The following DZIP1 variants were observed in gnomAD, a reference collection of about 807,000 sequenced individuals.
DZIP1 encodes the protein DAZ interacting zinc finger protein 1.
DZIP1 carries 97 observed loss-of-function variants against 107.6 expected under a neutral mutation model. That is an observed-to-expected ratio of 0.90 (90% CI 0.77 to 1.07). The LOEUF (loss-of-function observed/expected upper bound fraction) is 1.07, where lower values mean the gene tolerates loss of function less well. DZIP1 is among the 50% of genes least tolerant of loss of function. DZIP1 has a pLI of 0.00. For missense variants in DZIP1, 1,035 were observed against 1,063.6 expected (o/e 0.97, Z 0.37); for synonymous variants, 390 against 386.4 (o/e 1.01, Z -0.11).
chr13:95,630,099 CATTT>C lies in DZIP1; in HGVS notation c.696_699del (p.Asn233HisfsTer13). On this transcript the variant is annotated frameshift_variant, in exon 7 of 23. Coordinates refer to ENST00000376829, the MANE Select transcript of DZIP1 (RefSeq NM_198968.4). LOFTEE classifies it high-confidence loss of function. ...TCACTCCGGAGCTTCTCAATCTGTG[CATTT>C]TTCTGATACTCTGTTGCAACAGAAA... is the stretch of plus-strand genomic sequence containing the variant. The C allele has an allele frequency of 6.2e-7, 1 of 1,609,444 alleles. No individual in the cohort carries two copies. Among genetic ancestry groups the C allele is most frequent in the Non-Finnish European group, 8.5e-7 (1 of 1,178,740 alleles).
chr13:95,626,494 A>G (rs1284718150), intron 7 of DZIP1, among the ~76,000 whole-genome samples: 1 of 152,200 alleles, frequency 6.6e-6, no homozygotes, highest in Non-Finnish European at 1.5e-5. Flanking sequence ...GACTGACCCA[A>G]TACAAAGGAA....
chr13:95,622,999 C>T (rs1197767672), intron 8 of DZIP1, among the ~76,000 whole-genome samples: 1 of 152,102 alleles, frequency 6.6e-6, no homozygotes. Context: ...CTGCCTACCT[C>T]AGCCTCCCAA....
At chr13:95,640,232 T>C (rs974730514) in intron 5 of DZIP1, among the ~76,000 whole-genome samples, 1 of 151,998 alleles carries the variant, frequency 6.6e-6, no homozygotes, top group African/African-American at 2.4e-5. Context: ...TCTCCTGACC[T>C]CGTGATCCGC....
At chr13:95,619,610 A>G (rs150610008) in intron 10 of DZIP1, among the ~76,000 whole-genome samples, 6,734 of 152,216 alleles carry the variant, frequency 0.044, 224 homozygotes, top group Middle Eastern at 0.075. Context: ...AGTTTTTAAA[A>G]TCAGTACTTT....
chr13:95,619,884 C>T lies in DZIP1; in HGVS notation c.1173+1G>A. ...TTAGGCCACTGGTTTCTTAACCTTA[C>T]CCGACCCTTCTCTTTCTTGTGTTCT... is the stretch of plus-strand genomic sequence containing the variant. On this transcript the variant is annotated splice_donor_variant, in intron 10 of 22. Transcript: ENST00000376829. LOFTEE classifies it high-confidence loss of function. 1.9e-6 allele frequency: 3 copies of T among 1,613,760 alleles called. No homozygotes were observed. The highest frequency in any genetic ancestry group is 2.5e-6 in the Non-Finnish European group (3 of 1,179,914).
At chr13:95,640,829 A>G (rs965622760) in intron 5 of DZIP1, among the ~76,000 whole-genome samples, 3 of 152,166 alleles carry the variant, frequency 2.0e-5, no homozygotes, top group Non-Finnish European at 4.4e-5. Flanking sequence ...AATGTTAATA[A>G]TGGGGGAATC....
intron 6 of DZIP1, among the ~76,000 whole-genome samples, chr13:95,632,688 G>A (rs944697607): frequency 6.6e-6 from 1 of 152,058 alleles, no homozygotes. Flanking sequence ...TCCAGCCCAC[G>A]CCTTCACGGC....
chr13:95,591,081 T>G (rs550893277), intron 16 of DZIP1, among the ~76,000 whole-genome samples: 5 of 144,652 alleles, frequency 3.5e-5, no homozygotes, highest in African/African-American at 5.2e-5. Flanking sequence ...CAGGCTGGAG[T>G]GCAATGGCGC....
chr13:95,617,880 A>G, intron 10 of DZIP1: 1 of 518,758 alleles, frequency 1.9e-6, no homozygotes, highest in Non-Finnish European at 3.8e-6. Context: ...GGTTCCATAG[A>G]GTGGGCCCTG....
chr13:95,594,121 A>C, intron 15 of DZIP1, 35 bp from the exon 16 acceptor site: 1 of 1,529,052 alleles, frequency 6.5e-7, no homozygotes, highest in Non-Finnish European at 8.9e-7. Flanking sequence ...TTAAAAAAAG[A>C]ATTAAGCAAA....
intron 13 of DZIP1, among the ~76,000 whole-genome samples, chr13:95,606,633 T>C (rs2044787532): frequency 6.6e-6 from 1 of 152,246 alleles, no homozygotes; most frequent in Non-Finnish European, 1.5e-5. Context: ...TTTATTTACC[T>C]TTTCATTAGG....
intron 7 of DZIP1, among the ~76,000 whole-genome samples, chr13:95,628,358 A>G (rs935551139): frequency 2.6e-5 from 4 of 152,058 alleles, no homozygotes; most frequent in Non-Finnish European, 5.9e-5. Context: ...ATTTTTTTTT[A>G]AAAGATATAT....
intron 16 of DZIP1, among the ~76,000 whole-genome samples, chr13:95,593,231 A>C (rs947191846): frequency 6.6e-6 from 1 of 152,248 alleles, no homozygotes; most frequent in African/African-American, 2.4e-5. Context: ...ATACACAGAT[A>C]TCTGCATACA....
chr13:95,635,977 G>A (rs1050251079), intron 5 of DZIP1, among the ~76,000 whole-genome samples: 6 of 149,826 alleles, frequency 4.0e-5, no homozygotes, highest in African/African-American at 9.8e-5. Context: ...AGGGAAGGTA[G>A]GAAGAAGGAA....
At position 95,643,229 on chromosome 13, in the gene DZIP1, A is replaced by G. The variant is rs1878736451; in HGVS notation, c.-399T>C. 6.6e-6 allele frequency: 1 copy of G among 152,146 alleles called. No individual in the cohort carries two copies. Among genetic ancestry groups the G allele is most frequent in the Non-Finnish European group, 1.5e-5 (1 of 68,030 alleles). 9.4% of individuals were successfully genotyped at this position (152,146 alleles called of 1,614,324 possible). A position where few individuals can be genotyped will look rare whatever the true frequency, so the allele number is the denominator to read the frequency against. On this transcript the variant is annotated 5_prime_UTR_variant, in exon 3 of 23. Coordinates refer to ENST00000376829, the MANE Select transcript of DZIP1 (RefSeq NM_198968.4). Reference sequence around the variant, plus strand: ...AATCCACCGGGGAATTCCTGCTTGGACCAGACATCAGGAATTTTTTTTTCT... The same window carrying G: ...AATCCACCGGGGAATTCCTGCTTGGGCCAGACATCAGGAATTTTTTTTTCT...
intron 6 of DZIP1, among the ~76,000 whole-genome samples, chr13:95,631,045 A>G (rs144775234): frequency 1.3e-5 from 2 of 152,310 alleles, no homozygotes; most frequent in Non-Finnish European, 2.9e-5. Flanking sequence ...GCTATTTCCT[A>G]AGTAATCTAT....
chr13:95,602,048 C>T (rs1388600891), intron 14 of DZIP1, among the ~76,000 whole-genome samples: 1 of 152,128 alleles, frequency 6.6e-6, no homozygotes, highest in East Asian at 1.9e-4. Flanking sequence ...CATAGCCCAG[C>T]TCTCCAATTC....
chr13:95,622,409 C>T lies in DZIP1; in HGVS notation c.1044G>A (p.Glu348=), dbSNP rs1875980121. Residue 348 remains glutamate (E), a synonymous_variant, in exon 9 of 23, where the codon GAG becomes GAA. Transcript: ENST00000376829. Reference sequence around the variant, plus strand: ...GATATGGAGAACGGTCTTCTTTAAACTCGTGTGCATCTTTTAATGTGCCTA... The same window carrying T: ...GATATGGAGAACGGTCTTCTTTAAATTCGTGTGCATCTTTTAATGTGCCTA... The part of the protein sequence containing the change: ...SNIGTLKDAH[E]FKEDRSPYPQ... 1.2e-6 allele frequency: 2 copies of T among 1,614,204 alleles called. No individual in the cohort carries two copies. Among genetic ancestry groups the T allele is most frequent in the East Asian group, 2.2e-5 (1 of 44,890 alleles).
intron 16 of DZIP1, among the ~76,000 whole-genome samples, chr13:95,593,184 G>A (rs371772554): frequency 2.2e-3 from 332 of 152,194 alleles, no homozygotes; most frequent in African/African-American, 7.8e-3. Flanking sequence ...ATACATAAAT[G>A]TGTATACACA....
Sources: allele counts gnomAD v4.1 joint callset (sites outside exome capture counted in the v4.1 genomes callset), GRCh38; gene constraint gnomAD v4.1.1; transcripts MANE v1.5; gene names NCBI Gene and HGNC (gene_info 2026-07-23, HGNC 2026-07-21).